MCTP1: variants seen among roughly 807,000 people sequenced by gnomAD.
The protein encoded by MCTP1 is multiple C2 and transmembrane domain containing 1, also known as multiple C2 and transmembrane domain-containing protein 1.
A neutral mutation model predicts 120.6 loss-of-function variants in MCTP1; 69 were observed. That is an observed-to-expected ratio of 0.57 (90% CI 0.47 to 0.70). The LOEUF is 0.70. Among genes scored for constraint, MCTP1 ranks in the 30% least tolerant of loss-of-function variants. The pLI is 0.00. For missense variants in MCTP1, 1,203 were observed against 1,248.8 expected (o/e 0.96, Z 0.55); for synonymous variants, 529 against 493.1 (o/e 1.07, Z -0.96).
rs531892674 is a variant in MCTP1 at position 95,026,313 on chromosome 5, T to G, written c.721-8829A>C. On this transcript the variant is annotated intron_variant, in intron 1 of 22. Transcript: ENST00000515393. ...GTTACATACAATCCAATTATATACC[T>G]TTAGTACTTTAAAATGTACAATTAA... Among the ~76,000 whole-genome samples the G allele has an allele frequency of 3.9e-5, 6 of 152,244 alleles. No individual in the cohort carries two copies. The East Asian group carries it at 1.2e-3, about 29-fold the overall frequency.
chr5:94,857,114 C>T (rs1794865471), intron 17 of MCTP1, among the ~76,000 whole-genome samples: 1 of 151,612 alleles, frequency 6.6e-6, no homozygotes, highest in African/African-American at 2.4e-5. Flanking sequence ...GCCTGATACA[C>T]CACATTTATT....
chr5:94,714,490 G>C (rs1561514256), intron 20 of MCTP1, among the ~76,000 whole-genome samples: 1 of 152,190 alleles, frequency 6.6e-6, no homozygotes, highest in East Asian at 1.9e-4. Context: ...TAAGAACAAA[G>C]TCTTTCACAG....
At chr5:94,770,777 A>T (rs996634246) in intron 19 of MCTP1, among the ~76,000 whole-genome samples, 6 of 152,168 alleles carry the variant, frequency 3.9e-5, no homozygotes, top group Non-Finnish European at 5.9e-5. Context: ...TTATTTTTTT[A>T]AAATATGATG....
intron 21 of MCTP1, chr5:94,708,910 G>A (rs2152525405): frequency 5.1e-6 from 1 of 194,808 alleles, no homozygotes; most frequent in South Asian, 1.4e-4. Context: ...TAGAAGCCTT[G>A]CTTTAGTGTT....
chr5:95,151,763 CCTT>C (rs1760916298), intron 1 of MCTP1, among the ~76,000 whole-genome samples: 1 of 152,202 alleles, frequency 6.6e-6, no homozygotes, highest in Admixed American at 6.5e-5. Flanking sequence ...TAAGCAAAAT[CCTT>C]CTTTCCACAG....
intron 1 of MCTP1, among the ~76,000 whole-genome samples, chr5:95,023,140 C>T (rs1838525963): frequency 6.6e-6 from 1 of 152,132 alleles, no homozygotes; most frequent in South Asian, 2.1e-4. Context: ...CTGTGGGCAA[C>T]ATGAAACCAT....
intron 12 of MCTP1, among the ~76,000 whole-genome samples, chr5:94,874,124 A>G (rs1388485198): frequency 6.6e-6 from 1 of 152,104 alleles, no homozygotes; most frequent in Non-Finnish European, 1.5e-5. Context: ...CAATGAAATC[A>G]ATATTTAGAC....
intron 1 of MCTP1, among the ~76,000 whole-genome samples, chr5:95,027,667 C>T (rs968969532): frequency 1.3e-5 from 2 of 152,152 alleles, no homozygotes; most frequent in Non-Finnish European, 2.9e-5. Context: ...GAGTGAAGAT[C>T]TATGAGCTCC....
At chr5:94,801,785 A>G (rs1320007054) in intron 17 of MCTP1, among the ~76,000 whole-genome samples, 1 of 152,202 alleles carries the variant, frequency 6.6e-6, no homozygotes, top group African/African-American at 2.4e-5. Flanking sequence ...AGAAAAAACT[A>G]CCTAGGTGAC....
intron 1 of MCTP1, among the ~76,000 whole-genome samples, chr5:95,248,838 A>G (rs555013182): frequency 2.6e-5 from 4 of 152,358 alleles, no homozygotes; most frequent in Admixed American, 2.6e-4. Context: ...CCAATGGAAC[A>G]GAACAGAGGC....
At chr5:95,198,564 G>A (rs980597260) in intron 1 of MCTP1, among the ~76,000 whole-genome samples, 1 of 152,168 alleles carries the variant, frequency 6.6e-6, no homozygotes, top group African/African-American at 2.4e-5. Flanking sequence ...AGGTTAGGTG[G>A]ATTAAATGCA....
intron 1 of MCTP1, among the ~76,000 whole-genome samples, chr5:95,229,481 T>C (rs1582600808): frequency 6.6e-6 from 1 of 152,052 alleles, no homozygotes; most frequent in East Asian, 1.9e-4. Flanking sequence ...AGAGAAAAGT[T>C]TGGTTACTCA....
At chr5:95,153,997 G>C (rs1450862360) in intron 1 of MCTP1, among the ~76,000 whole-genome samples, 1 of 152,164 alleles carries the variant, frequency 6.6e-6, no homozygotes, top group Non-Finnish European at 1.5e-5. Flanking sequence ...ATGCCCGAAA[G>C]AAATGCTTGA....
At chr5:95,254,761 G>A (rs1757711161) in intron 1 of MCTP1, among the ~76,000 whole-genome samples, 1 of 152,202 alleles carries the variant, frequency 6.6e-6, no homozygotes, top group Admixed American at 6.5e-5. Flanking sequence ...GCAGAAGAGA[G>A]AACTTCCGGA....
At chr5:94,899,103 C>T (rs776168931) in intron 10 of MCTP1, among the ~76,000 whole-genome samples, 7 of 152,120 alleles carry the variant, frequency 4.6e-5, no homozygotes, top group Non-Finnish European at 8.8e-5. Flanking sequence ...AATTGTATTG[C>T]AAAGAGCAGT....
chr5:95,114,542 G>A (rs1367680832), intron 1 of MCTP1, among the ~76,000 whole-genome samples: 2 of 152,194 alleles, frequency 1.3e-5, no homozygotes, highest in East Asian at 1.9e-4. Flanking sequence ...TGTGGTATTG[G>A]TGGCCACCGG....
At chr5:95,055,597 T>TA (rs1488442412) in intron 1 of MCTP1, among the ~76,000 whole-genome samples, 1 of 152,200 alleles carries the variant, frequency 6.6e-6, no homozygotes, top group African/African-American at 2.4e-5. Context: ...ACAATCCAAC[T>TA]AAAAGTGCAT....
At chr5:94,726,679 G>T (rs1195750365) in intron 19 of MCTP1, among the ~76,000 whole-genome samples, 1 of 152,036 alleles carries the variant, frequency 6.6e-6, no homozygotes, top group Non-Finnish European at 1.5e-5. Context: ...TCCACTTGAG[G>T]TGGCAGGGTC....
chr5:94,854,508 C>T (rs569180648), intron 17 of MCTP1, among the ~76,000 whole-genome samples: 2 of 151,924 alleles, frequency 1.3e-5, no homozygotes, highest in South Asian at 4.1e-4. Flanking sequence ...AAGCATATGG[C>T]TAAGATGTTT....
Sources: allele counts gnomAD v4.1 joint callset (sites outside exome capture counted in the v4.1 genomes callset), GRCh38; gene constraint gnomAD v4.1.1; transcripts MANE v1.5; gene names NCBI Gene and HGNC (gene_info 2026-07-23, HGNC 2026-07-21).